Variants in ZBTB34 observed in about 807,000 individuals in gnomAD.
ZBTB34 encodes the protein zinc finger and BTB domain-containing protein 34.
ZBTB34 carries 1 observed loss-of-function variant against 33.4 expected under a neutral mutation model. The ratio of observed to expected loss-of-function variants is 0.03; its 90% CI spans 0.01 to 0.14. The LOEUF is 0.14. Ranked by LOEUF, ZBTB34 falls within the 10% of genes least tolerant of loss-of-function variation. ZBTB34 has a pLI of 1.00. For missense variants in ZBTB34, 406 were observed against 657.2 expected (o/e 0.62, Z 4.18); for synonymous variants, 283 against 253.5 (o/e 1.12, Z -1.11).
rs78897378 is a variant in ZBTB34 at position 126,868,457 on chromosome 9, C to T, written c.-11+7718C>T. Among the ~76,000 whole-genome samples, 950 of 152,236 alleles carry T rather than the reference C, an allele frequency of 6.2e-3. 37 individuals carry two copies. The East Asian group carries it at 0.1, about 16-fold the overall frequency. On this transcript the variant is annotated intron_variant, in intron 1 of 1. Transcript: ENST00000319119. ...TCGTGCGGTCATTTCCAGGCAGTGC[C>T]GCTCTCCCTGTGGCTTGTACCCACA... is the stretch of plus-strand genomic sequence containing the variant.
At chr9:126,868,016 G>A (rs990450307) in intron 1 of ZBTB34, among the ~76,000 whole-genome samples, 7 of 152,166 alleles carry the variant, frequency 4.6e-5, no homozygotes, top group Non-Finnish European at 8.8e-5. Context: ...CAGTGAGGGT[G>A]GGGAGCTGAA....
exon 2 of ZBTB34, chr9:126,884,455 TTTG>T (rs145057369): frequency 0.11 from 18,139 of 166,788 alleles, 1,357 homozygotes; most frequent in East Asian, 0.4. Flanking sequence ...AGTTGTGTTT[TTTG>T]TTGTTGTTGT....
In ZBTB34 at chr9:126,885,423, GA is replaced by G. The variant is rs1172614678; in HGVS notation, c.*4510del. On this transcript the variant is annotated 3_prime_UTR_variant, in exon 2 of 2. Coordinates refer to ENST00000319119, the Ensembl canonical transcript of ZBTB34. ...TTGGTTGCTGCCCTGACTATTGTAA[GA>G]GGTAAACTTACCTGGTTTGTTTGAG... is the stretch of plus-strand genomic sequence containing the variant. The G allele has an allele frequency of 5.4e-5, 9 of 167,124 alleles. No individual in the cohort carries two copies. The Admixed American group carries it at 5.9e-4, about 11-fold the overall frequency. 10.4% of individuals were successfully genotyped at this position (167,124 alleles called of 1,614,324 possible). A position where few individuals can be genotyped will look rare whatever the true frequency, so the allele number is the denominator to read the frequency against.
rs368671434 is a variant in ZBTB34 at position 126,871,398 on chromosome 9, C to G, written c.-10-7992C>G. ...TTTTTTTTTGAGATGGAGTCTCGCT[C>G]TGTCGCCAGGCTGGAGTGCAGTGGC... is the stretch of plus-strand genomic sequence containing the variant. On this transcript the variant is annotated intron_variant, in intron 1 of 1. Transcript: ENST00000319119. Among the ~76,000 whole-genome samples, 145 of 146,416 alleles carry G rather than the reference C, an allele frequency of 9.9e-4. 2 individuals carry two copies. The highest frequency in any genetic ancestry group is 3.5e-3 in the African/African-American group (137 of 39,602).
intron 1 of ZBTB34, among the ~76,000 whole-genome samples, chr9:126,871,783 G>A (rs1176713492): frequency 6.6e-6 from 1 of 151,976 alleles, no homozygotes; most frequent in Middle Eastern, 3.2e-3. Context: ...GTGATCTGAA[G>A]TTCTACCATA....
chr9:126,879,873 C>T lies in ZBTB34; in HGVS notation c.474C>T (p.Ser158=), dbSNP rs2033410155. The change falls in exon 2 of 2, where the codon AGC becomes AGT. Residue 158 remains serine (S), a synonymous_variant. Transcript: ENST00000319119. This position sits in a 1 kb window ranked among gnomAD's most constrained non-coding sequence, Gnocchi z 6.4. ...AGAGTCGAAACGGAGTGAAAGACAG[C>T]AGCTTCTTTGCCAACCCAGTGGAGA... 12 of 1,613,046 alleles carry T rather than the reference C, an allele frequency of 7.4e-6. No homozygotes were observed. The highest frequency in any genetic ancestry group is 1.0e-5 in the Non-Finnish European group (12 of 1,179,890).
chr9:126,881,045 G>A (rs1232347934), exon 2 of ZBTB34: 1 of 1,054,202 alleles, frequency 9.5e-7, no homozygotes, highest in Non-Finnish European at 1.4e-6. Context: ...TAAAGTTTCT[G>A]GATGGAACAC....
At position 126,860,903 on chromosome 9, in the gene ZBTB34, GCGGGCGGGAGCCGAGGC is replaced by G. The variant is rs923115701; in HGVS notation, c.-11+173_-11+189del. On this transcript the variant is annotated intron_variant, in intron 1 of 1. Coordinates refer to ENST00000319119, the Ensembl canonical transcript of ZBTB34. ...TCAGTCCCGCGGGCAGGCGGCCGGC[GCGGGCGGGAGCCGAGGC>G]CGGGCGGGGTCCGGAGGCCCCGGGC... Among the ~76,000 whole-genome samples the G allele has an allele frequency of 6.5e-4, 97 of 149,712 alleles. 1 individual carries two copies. The East Asian group carries it at 9.8e-3, about 15-fold the overall frequency.
intron 1 of ZBTB34, among the ~76,000 whole-genome samples, chr9:126,878,867 G>A (rs755311692): frequency 2.5e-4 from 38 of 151,878 alleles, no homozygotes; most frequent in Non-Finnish European, 5.0e-4. Context: ...GGAATTACAG[G>A]TGCACAACAC....
intron 1 of ZBTB34, among the ~76,000 whole-genome samples, chr9:126,861,922 A>G (rs2033148128): frequency 6.6e-6 from 1 of 152,182 alleles, no homozygotes; most frequent in South Asian, 2.1e-4. Context: ...AAAATAGTTG[A>G]GTGCTTGCTT....
At chr9:126,872,536 A>G (rs1010452228) in intron 1 of ZBTB34, among the ~76,000 whole-genome samples, 18 of 152,356 alleles carry the variant, frequency 1.2e-4, no homozygotes, top group African/African-American at 4.3e-4. Flanking sequence ...CTGCTAGTAC[A>G]GAGGGATAGA....
chr9:126,881,680 G>A (rs983559613), exon 2 of ZBTB34: 8 of 167,116 alleles, frequency 4.8e-5, no homozygotes, highest in African/African-American at 9.6e-5. Flanking sequence ...GTTGGAAACC[G>A]TTTGGAATTT....
intron 1 of ZBTB34, among the ~76,000 whole-genome samples, chr9:126,871,987 C>T (rs1244573111): frequency 1.3e-5 from 2 of 150,796 alleles, no homozygotes; most frequent in African/African-American, 2.4e-5. Flanking sequence ...GAGATTCGCT[C>T]TTGTTGCCCA....
In ZBTB34 at chr9:126,884,099, G is replaced by T. The variant is rs190584095; in HGVS notation, c.*3185G>T. ...CAATTAAGATAAAGTGATATGTGAA[G>T]AAATCTTTTACAGTAAAATATATCC... On this transcript the variant is annotated 3_prime_UTR_variant, in exon 2 of 2. Transcript: ENST00000319119. 5.4e-5 allele frequency: 9 copies of T among 167,152 alleles called. No individual in the cohort carries two copies. The East Asian group carries it at 1.2e-3, about 21-fold the overall frequency. 10.4% of individuals were successfully genotyped at this position (167,152 alleles called of 1,614,324 possible).
In ZBTB34 at chr9:126,880,233, C is replaced by G. The variant is rs559475635; in HGVS notation, c.834C>G (p.Ser278=). The change falls in exon 2 of 2, where the codon TCC becomes TCG. Residue 278 remains serine (S), a synonymous_variant. Transcript: ENST00000319119. The surrounding 1 kb of genome is among the most constrained non-coding windows in gnomAD (Gnocchi z 6.7). ...AAGTTGTGGCAGTGAATGTGGGCTC[C>G]TATGGTTCTGTGCTCCAGCACGCAT... is the stretch of plus-strand genomic sequence containing the variant. The G allele has an allele frequency of 6.2e-7, 1 of 1,613,888 alleles. No individual in the cohort carries two copies. Among genetic ancestry groups the G allele is most frequent in the Admixed American group, 1.7e-5 (1 of 60,024 alleles).
At chr9:126,885,138 T>A (rs2033503499) in exon 2 of ZBTB34, 1 of 167,098 alleles carries the variant, frequency 6.0e-6, no homozygotes, top group Non-Finnish European at 1.5e-5. Context: ...TTGTCACATG[T>A]CACATGCGTC....
chr9:126,874,989 T>C lies in ZBTB34; in HGVS notation c.-10-4401T>C, dbSNP rs376024306. Among the ~76,000 whole-genome samples the C allele has an allele frequency of 2.2e-4, 34 of 152,338 alleles. No individual in the cohort carries two copies. In the East Asian group the frequency reaches 3.1e-3, roughly 14 times the overall value. ...ACTTAGCCAATGAATTATAGCCCAA[T>C]CACACATTTTGACATCTATAAGTTT... On this transcript the variant is annotated intron_variant, in intron 1 of 1. Coordinates refer to ENST00000319119, the Ensembl canonical transcript of ZBTB34.
intron 1 of ZBTB34, among the ~76,000 whole-genome samples, chr9:126,866,928 C>T (rs142617835): frequency 1.3e-5 from 2 of 152,192 alleles, no homozygotes; most frequent in South Asian, 4.1e-4. Flanking sequence ...CAGCAAGCAA[C>T]GTAATATAAT....
At chr9:126,866,078 C>A (rs1294893625) in intron 1 of ZBTB34, among the ~76,000 whole-genome samples, 3 of 152,148 alleles carry the variant, frequency 2.0e-5, no homozygotes, top group Non-Finnish European at 4.4e-5. Context: ...TGTTTCCATT[C>A]CTCTTTTCTA....
Sources: allele counts gnomAD v4.1 joint callset (sites outside exome capture counted in the v4.1 genomes callset), GRCh38; gene constraint gnomAD v4.1.1; non-coding constraint Gnocchi (gnomAD v3.1); transcripts MANE v1.5; gene names NCBI Gene and HGNC (gene_info 2026-07-23, HGNC 2026-07-21).